TRDN: variants seen among roughly 807,000 people sequenced by gnomAD.
TRDN encodes the protein triadin.
TRDN carries 161 observed loss-of-function variants against 149.7 expected under a neutral mutation model. The ratio of observed to expected loss-of-function variants is 1.08; its 90% CI spans 0.95 to 1.23. The LOEUF (loss-of-function observed/expected upper bound fraction) is 1.23. Ranked by LOEUF, TRDN falls within the 50% of genes most tolerant of loss-of-function variation. The pLI, the probability that TRDN is intolerant of heterozygous loss-of-function variation, is 0.00. For synonymous variants in TRDN, 294 were observed against 250.5 expected (o/e 1.17, Z -1.64); for missense variants, 896 against 823.5 (o/e 1.09, Z -1.08).
chr6:123,594,549 C>T (rs1783937688), intron 1 of TRDN, among the ~76,000 whole-genome samples: 2 of 151,920 alleles, frequency 1.3e-5, no homozygotes, highest in Non-Finnish European at 1.5e-5. Context: ...ACTTTCTTCA[C>T]TTATCCCAGA....
At chr6:123,507,830 G>A (rs771465489) in intron 7 of TRDN, among the ~76,000 whole-genome samples, 1 of 152,122 alleles carries the variant, frequency 6.6e-6, no homozygotes, top group Non-Finnish European at 1.5e-5. Context: ...ATTAGCTACT[G>A]CATCAGATTC....
intron 40 of TRDN, among the ~76,000 whole-genome samples, chr6:123,218,994 T>C (rs1775044497): frequency 2.0e-5 from 3 of 151,936 alleles, no homozygotes. Flanking sequence ...TCCTGGTATG[T>C]AATAAGCCTT....
At chr6:123,263,496 A>G (rs1776841543) in intron 33 of TRDN, among the ~76,000 whole-genome samples, 1 of 152,074 alleles carries the variant, frequency 6.6e-6, no homozygotes, top group Non-Finnish European at 1.5e-5. Context: ...GGTGACTACA[A>G]TAAACAATAA....
At chr6:123,419,213 G>A (rs1285266380) in intron 12 of TRDN, among the ~76,000 whole-genome samples, 3 of 152,132 alleles carry the variant, frequency 2.0e-5, no homozygotes, top group African/African-American at 7.2e-5. Flanking sequence ...ATACCATAGA[G>A]AAAGGGTATA....
chr6:123,231,642 T>C (rs1297651376), intron 38 of TRDN, among the ~76,000 whole-genome samples: 4 of 151,980 alleles, frequency 2.6e-5, no homozygotes, highest in Non-Finnish European at 5.9e-5. Context: ...AATGAAGAAA[T>C]AGTCAGTGTT....
chr6:123,276,220 A>G (rs1031037849), intron 26 of TRDN, among the ~76,000 whole-genome samples: 1 of 152,166 alleles, frequency 6.6e-6, no homozygotes, highest in African/African-American at 2.4e-5. Context: ...ATAGATATAT[A>G]TTATTGTAAG....
At chr6:123,287,188 G>A (rs1434987265) in intron 24 of TRDN, among the ~76,000 whole-genome samples, 5 of 152,084 alleles carry the variant, frequency 3.3e-5, no homozygotes. Context: ...CGTATATTCA[G>A]TTAAGATACT....
At chr6:123,574,848 TTATATATACATATA>T (rs778589153) in intron 1 of TRDN, among the ~76,000 whole-genome samples, 35,710 of 102,316 alleles carry the variant, frequency 0.35, 5,361 homozygotes, top group Admixed American at 0.43. Flanking sequence ...GAACATGAAT[TTATATATACATATA>T]TATATATATA....
intron 38 of TRDN, among the ~76,000 whole-genome samples, chr6:123,233,323 A>T (rs1248367228): frequency 6.6e-6 from 1 of 152,122 alleles, no homozygotes; most frequent in African/African-American, 2.4e-5. Context: ...AAAGAAAATG[A>T]ACTGCTACAC....
At chr6:123,383,369 C>T (rs1208944405) in intron 14 of TRDN, among the ~76,000 whole-genome samples, 2 of 151,946 alleles carry the variant, frequency 1.3e-5, no homozygotes, top group Non-Finnish European at 2.9e-5. Flanking sequence ...AGAAAAGAAT[C>T]CAGAAAATCA....
intron 12 of TRDN, among the ~76,000 whole-genome samples, chr6:123,412,481 A>G (rs1038791439): frequency 6.6e-6 from 1 of 152,234 alleles, no homozygotes; most frequent in Admixed American, 6.5e-5. Context: ...ATTTCTACCA[A>G]TATAGGAAGT....
rs72976508 is a variant in TRDN, at chr6:123,384,751, G to A, written c.1136-2604C>T. Among the ~76,000 whole-genome samples, 731 of 152,226 alleles carry A rather than the reference G, an allele frequency of 4.8e-3. 3 individuals carry two copies. The highest frequency in any genetic ancestry group is 6.8e-3 in the Non-Finnish European group (464 of 68,010). The stretch of plus-strand genomic sequence containing the variant: ...ACTCAAAATGTCATGATAAAGTTAT[G>A]TATTTTCTTTTGGAGTCAATAGTGC... On this transcript the variant is annotated intron_variant, in intron 14 of 40. Transcript: ENST00000334268.
intron 1 of TRDN, among the ~76,000 whole-genome samples, chr6:123,593,773 G>A (rs1249144875): frequency 6.6e-6 from 1 of 151,988 alleles, no homozygotes; most frequent in Non-Finnish European, 1.5e-5. Flanking sequence ...TGAGTTTCTG[G>A]GAATTAGAAC....
chr6:123,295,970 GA>G lies in TRDN; in HGVS notation c.1511-16889del, dbSNP rs1027670202. 3.2e-3 allele frequency among the ~76,000 whole-genome samples: 410 copies of G among 129,910 alleles called. 3 individuals carry two copies. The highest frequency in any genetic ancestry group is 0.016 in the East Asian group (71 of 4,494). 85.2% of individuals were successfully genotyped at this position (129,910 alleles called of 152,430 possible). On this transcript the variant is annotated intron_variant, in intron 24 of 40. Coordinates refer to ENST00000334268, the MANE Select transcript of TRDN (RefSeq NM_006073.4). ...ATGGAGTAAGACTGTGTCTCAAACA[GA>G]AAAAAAAAAAAGATGAATGAATGGC...
rs1237513173 is a variant in TRDN, at chr6:123,438,219, G to C, written c.992-97C>G. 3.6e-6 allele frequency: 3 copies of C among 844,250 alleles called. No homozygotes were observed. The African/African-American group carries it at 5.4e-5, about 15-fold the overall frequency. 52.3% of individuals were successfully genotyped at this position (844,250 alleles called of 1,614,324 possible). ...ACCAGTGAGGCATCTAATTTATCTT[G>C]TATAGAGAAATCTTAAATCAGCCAT... On this transcript the variant is annotated intron_variant, in intron 11 of 40. Coordinates refer to ENST00000334268, the MANE Select transcript of TRDN (RefSeq NM_006073.4).
chr6:123,354,088 A>G (rs1780568103), intron 20 of TRDN, among the ~76,000 whole-genome samples: 1 of 151,924 alleles, frequency 6.6e-6, no homozygotes, highest in African/African-American at 2.4e-5. Context: ...ACTTTCCAGA[A>G]CTGATTTATT....
intron 12 of TRDN, among the ~76,000 whole-genome samples, chr6:123,397,947 C>T (rs761390496): frequency 2.6e-5 from 4 of 152,202 alleles, no homozygotes; most frequent in Non-Finnish European, 5.9e-5. Context: ...ATGAAAACAG[C>T]TTTAAAGCTG....
At chr6:123,525,126 C>G (rs912090065) in intron 5 of TRDN, among the ~76,000 whole-genome samples, 13 of 152,080 alleles carry the variant, frequency 8.5e-5, no homozygotes, top group African/African-American at 2.9e-4. Context: ...CATTCGACCT[C>G]TATGGAAAAC....
intron 21 of TRDN, among the ~76,000 whole-genome samples, chr6:123,338,459 C>T (rs192835178): frequency 7.9e-5 from 12 of 152,286 alleles, no homozygotes; most frequent in African/African-American, 2.4e-4. Context: ...GGAAATGCAG[C>T]TGCCATGTGA....
Sources: allele counts gnomAD v4.1 joint callset (sites outside exome capture counted in the v4.1 genomes callset), GRCh38; gene constraint gnomAD v4.1.1; transcripts MANE v1.5; gene names NCBI Gene and HGNC (gene_info 2026-07-23, HGNC 2026-07-21).